The following RPS6KC1 variants were observed in gnomAD, a reference collection of about 807,000 sequenced individuals.
RPS6KC1 encodes ribosomal protein S6 kinase C1.
RPS6KC1 carries 54 observed loss-of-function variants against 103.8 expected under a neutral mutation model. The ratio of observed to expected loss-of-function variants is 0.52; its 90% CI spans 0.42 to 0.65. The LOEUF (loss-of-function observed/expected upper bound fraction) is 0.65, where lower values mean the gene tolerates loss of function less well. RPS6KC1 is among the 30% of genes least tolerant of loss of function. RPS6KC1 has a pLI of 0.00. For missense variants in RPS6KC1, 1,151 were observed against 1,253.8 expected (o/e 0.92, Z 1.24); for synonymous variants, 439 against 438.7 (o/e 1.00, Z -0.01).
At chr1:213,178,570 C>A (rs1247897196) in intron 8 of RPS6KC1, among the ~76,000 whole-genome samples, 4 of 151,404 alleles carry the variant, frequency 2.6e-5, no homozygotes, top group East Asian at 3.9e-4. Context: ...CAAAAAAAAA[C>A]ACAACAAAAC....
chr1:213,101,961 T>G (rs2082054330), intron 3 of RPS6KC1, among the ~76,000 whole-genome samples: 1 of 152,178 alleles, frequency 6.6e-6, no homozygotes, highest in African/African-American at 2.4e-5. Flanking sequence ...TTTTACCTAT[T>G]GGGGTTCTTG....
chr1:213,173,915 A>G (rs2091668207), intron 7 of RPS6KC1, among the ~76,000 whole-genome samples: 1 of 152,084 alleles, frequency 6.6e-6, no homozygotes, highest in Admixed American at 6.5e-5. Flanking sequence ...GTGAACAAAT[A>G]ACTTTCTTTG....
At chr1:213,496,858 G>A in the RPS6KC1 span, among the ~76,000 whole-genome samples, 1 of 152,204 alleles carries the variant, frequency 6.6e-6, no homozygotes, top group Non-Finnish European at 1.5e-5. Context: ...TGAGTGCAAT[G>A]ACCTTGTATC....
chr1:213,665,927 T>TA, the RPS6KC1 span, among the ~76,000 whole-genome samples: 2 of 152,194 alleles, frequency 1.3e-5, no homozygotes, highest in Non-Finnish European at 2.9e-5. Context: ...AAGAAGATTT[T>TA]AAAAAACTAC....
At chr1:213,474,014 C>T in the RPS6KC1 span, among the ~76,000 whole-genome samples, 1 of 152,146 alleles carries the variant, frequency 6.6e-6, no homozygotes, top group African/African-American at 2.4e-5. Flanking sequence ...CAAGCACTTC[C>T]CTCTCTCTCC....
intron 14 of RPS6KC1, among the ~76,000 whole-genome samples, chr1:213,268,458 G>T (rs2094961148): frequency 6.6e-6 from 1 of 151,450 alleles, no homozygotes; most frequent in South Asian, 2.1e-4. Flanking sequence ...GACACACCAG[G>T]TAGTAACTTA....
chr1:213,438,889 G>T, the RPS6KC1 span, among the ~76,000 whole-genome samples: 1 of 151,406 alleles, frequency 6.6e-6, no homozygotes, highest in African/African-American at 2.4e-5. Context: ...CGCCTCCCGG[G>T]TTCACACCAT....
At chr1:213,837,475 A>C in the RPS6KC1 span, among the ~76,000 whole-genome samples, 1 of 152,232 alleles carries the variant, frequency 6.6e-6, no homozygotes, top group African/African-American at 2.4e-5. Context: ...TCTGTCTTTC[A>C]GCAGAAGTCC....
the RPS6KC1 span, among the ~76,000 whole-genome samples, chr1:213,363,973 A>G: frequency 2.8e-4 from 42 of 151,900 alleles, no homozygotes; most frequent in African/African-American, 1.0e-3. Context: ...TCTGTCCTCT[A>G]TAGCAGAGGA....
the RPS6KC1 span, among the ~76,000 whole-genome samples, chr1:213,514,235 T>TA: frequency 4.1e-4 from 61 of 149,562 alleles, no homozygotes; most frequent in African/African-American, 1.5e-3. Flanking sequence ...AAGGGATATA[T>TA]TTTTTTTATT....
At chr1:213,722,666 A>T in the RPS6KC1 span, among the ~76,000 whole-genome samples, 1 of 152,168 alleles carries the variant, frequency 6.6e-6, no homozygotes, top group African/African-American at 2.4e-5. Flanking sequence ...AACAAGGGAC[A>T]CCATCCGTGT....
At chr1:213,319,716 C>T in the RPS6KC1 span, among the ~76,000 whole-genome samples, 1 of 151,808 alleles carries the variant, frequency 6.6e-6, no homozygotes, top group Admixed American at 6.6e-5. Context: ...AACTATGGAA[C>T]TTTGCTCTGC....
chr1:213,661,103 A>G, the RPS6KC1 span, among the ~76,000 whole-genome samples: 2 of 152,248 alleles, frequency 1.3e-5, no homozygotes, highest in African/African-American at 2.4e-5. Flanking sequence ...GGTTAATTTT[A>G]TCGCAGCCTT....
At chr1:213,425,333 C>T in the RPS6KC1 span, among the ~76,000 whole-genome samples, 1 of 152,132 alleles carries the variant, frequency 6.6e-6, no homozygotes, top group Non-Finnish European at 1.5e-5. Flanking sequence ...TCGCCTGTCC[C>T]TTCTCTCTTT....
the RPS6KC1 span, among the ~76,000 whole-genome samples, chr1:213,526,192 G>A: frequency 1.3e-5 from 2 of 152,142 alleles, no homozygotes; most frequent in Admixed American, 1.3e-4. Context: ...ACGTGTGATC[G>A]ATTGAATGTT....
chr1:213,688,025 T>C, the RPS6KC1 span, among the ~76,000 whole-genome samples: 1 of 152,186 alleles, frequency 6.6e-6, no homozygotes, highest in African/African-American at 2.4e-5. Flanking sequence ...CAGATTACTC[T>C]CAGTTGGTGT....
the RPS6KC1 span, among the ~76,000 whole-genome samples, chr1:213,736,253 T>C: frequency 1.4e-4 from 22 of 152,154 alleles, no homozygotes; most frequent in Non-Finnish European, 2.1e-4. Context: ...GGTCCTCTAG[T>C]CAGGGTCCCA....
intron 6 of RPS6KC1, among the ~76,000 whole-genome samples, chr1:213,149,207 G>C (rs1022644419): frequency 6.6e-6 from 1 of 151,556 alleles, no homozygotes; most frequent in African/African-American, 2.4e-5. Flanking sequence ...TACTCATTTT[G>C]GGTTCGGTTT....
intron 3 of RPS6KC1, among the ~76,000 whole-genome samples, chr1:213,088,437 C>T (rs2080632525): frequency 6.6e-6 from 1 of 151,660 alleles, no homozygotes; most frequent in African/African-American, 2.4e-5. Context: ...GATCATGGCT[C>T]ACTGCAGCCT....
Sources: gnomAD v4.1 joint callset for allele counts (sites outside exome capture counted in the v4.1 genomes callset) on GRCh38, gnomAD v4.1.1 for gene constraint, MANE v1.5 for transcripts, NCBI Gene and HGNC (gene_info 2026-07-23, HGNC 2026-07-21) for gene names.